The following SUSD4 variants were observed in gnomAD, a reference collection of about 807,000 sequenced individuals.
SUSD4 encodes the protein sushi domain containing 4, also known as sushi domain-containing protein 4.
In SUSD4, 41 loss-of-function variants were observed where a neutral mutation model predicts 50.5. The ratio of observed to expected loss-of-function variants is 0.81; its 90% confidence interval spans 0.63 to 1.05. The LOEUF (loss-of-function observed/expected upper bound fraction) is 1.05, where lower values mean the gene tolerates loss of function less well. Ranked by LOEUF, SUSD4 falls within the 50% of genes least tolerant of loss-of-function variation. SUSD4 has a pLI of 0.00. For synonymous variants in SUSD4, 257 were observed against 257.3 expected (o/e 1.00, Z 0.01); for missense variants, 580 against 634.7 (o/e 0.91, Z 0.93).
At position 223,227,649 on chromosome 1, in the gene SUSD4, GCAGCAGCAC is replaced by G; in HGVS notation, c.997_1005del (p.Val333_Leu335del). 1 of 1,613,942 alleles carries G rather than the reference GCAGCAGCAC, an allele frequency of 6.2e-7. No homozygotes were observed. Among genetic ancestry groups the G allele is most frequent in the Non-Finnish European group, 8.5e-7 (1 of 1,179,954 alleles). On this transcript the variant is annotated inframe_deletion, in exon 7 of 9. Coordinates refer to ENST00000366878, the MANE Select transcript of SUSD4 (RefSeq NM_017982.4). The surrounding 1 kb of genome is among the most constrained non-coding windows in gnomAD (Gnocchi z 4.5). ...TGGAACATCCTGGCCAGGATGACGAGCAGCAGCACCAGCAGCACACTGGTTGCCGTGAAC... is the reference window on the plus strand; with the variant it reads ...TGGAACATCCTGGCCAGGATGACGAGCAGCAGCACACTGGTTGCCGTGAAC...
intron 2 of SUSD4, among the ~76,000 whole-genome samples, chr1:223,327,727 C>T (rs1666956825): frequency 6.6e-6 from 1 of 152,172 alleles, no homozygotes; most frequent in African/African-American, 2.4e-5. Flanking sequence ...CCCGGCATGG[C>T]CCAGGCATAA....
chr1:223,326,115 A>C (rs1666862702), intron 2 of SUSD4, among the ~76,000 whole-genome samples: 1 of 152,268 alleles, frequency 6.6e-6, no homozygotes, highest in African/African-American at 2.4e-5. Flanking sequence ...ACAAGGGTGT[A>C]GTTACCAAAA....
rs565738557 is a variant in SUSD4, at chr1:223,231,261, G to C, written c.725-1873C>G. ...CTGGACAAAGCCAGTGGGGAGCCAG[G>C]TGACAAGGGGGTCTGGGAAACAGGG... On this transcript the variant is annotated intron_variant, in intron 5 of 8. Coordinates refer to ENST00000366878, the MANE Select transcript of SUSD4 (RefSeq NM_017982.4). This position sits in a 1 kb window ranked among gnomAD's most constrained non-coding sequence, Gnocchi z 4.2. Among the ~76,000 whole-genome samples, 7 of 152,284 alleles carry C rather than the reference G, an allele frequency of 4.6e-5. No individual in the cohort carries two copies. In the South Asian group the frequency reaches 1.5e-3, roughly 32 times the overall value.
At chr1:223,276,132 C>A (rs925925545) in intron 3 of SUSD4, among the ~76,000 whole-genome samples, 21 of 152,182 alleles carry the variant, frequency 1.4e-4, no homozygotes, top group African/African-American at 4.8e-4. Context: ...TCATAAGTAG[C>A]CAACATAATT....
intron 5 of SUSD4, chr1:223,235,199 C>G: frequency 2.3e-6 from 3 of 1,321,738 alleles, no homozygotes; most frequent in Non-Finnish European, 2.0e-6. Context: ...AAAATAAAGA[C>G]TTTATTTTTA....
At chr1:223,238,275 T>C (rs1660352556) in intron 5 of SUSD4, among the ~76,000 whole-genome samples, 1 of 152,020 alleles carries the variant, frequency 6.6e-6, no homozygotes, top group Non-Finnish European at 1.5e-5. Flanking sequence ...ATTGATTTTA[T>C]TAATCTTTTC....
At chr1:223,226,518 G>A (rs952449254) in intron 7 of SUSD4, among the ~76,000 whole-genome samples, 1 of 152,242 alleles carries the variant, frequency 6.6e-6, no homozygotes, top group Non-Finnish European at 1.5e-5. Flanking sequence ...GCAAAGGCGG[G>A]TAGGTGCTGT....
intron 2 of SUSD4, among the ~76,000 whole-genome samples, chr1:223,315,201 C>T (rs751161558): frequency 8.5e-5 from 13 of 152,262 alleles, no homozygotes; most frequent in Admixed American, 3.3e-4. Flanking sequence ...TAAATGATAG[C>T]GGGTCTTCCC....
At chr1:223,288,269 G>GCT (rs1388532124) in intron 3 of SUSD4, among the ~76,000 whole-genome samples, 2 of 152,052 alleles carry the variant, frequency 1.3e-5, no homozygotes, top group African/African-American at 4.8e-5. Context: ...TTCCCTGTGT[G>GCT]CTCTCTCTCT....
At chr1:223,299,384 G>A (rs900499675) in intron 2 of SUSD4, among the ~76,000 whole-genome samples, 2 of 152,214 alleles carry the variant, frequency 1.3e-5, no homozygotes, top group South Asian at 2.1e-4. Flanking sequence ...AGTAGTCACA[G>A]CTTGGAGAAG....
intron 3 of SUSD4, among the ~76,000 whole-genome samples, chr1:223,281,718 A>C (rs906983421): frequency 6.6e-6 from 1 of 152,136 alleles, no homozygotes; most frequent in Non-Finnish European, 1.5e-5. Context: ...AAAAGAGGGA[A>C]TCCTCCCTAA....
rs531862173 is a variant in SUSD4, at chr1:223,231,304, G to C, written c.725-1916C>G. 6.6e-6 allele frequency among the ~76,000 whole-genome samples: 1 copy of C among 152,246 alleles called. No homozygotes were observed. The highest frequency in any genetic ancestry group is 3.4e-3 in the Middle Eastern group (1 of 294). Reference sequence around the variant, plus strand: ...AAACAGGGTCTGCGGTGGACAGCCTGTCTAGATCTGGTGCAGTGCAGGGAA... The same window carrying C: ...AAACAGGGTCTGCGGTGGACAGCCTCTCTAGATCTGGTGCAGTGCAGGGAA... On this transcript the variant is annotated intron_variant, in intron 5 of 8. Transcript: ENST00000366878. The surrounding 1 kb of genome is among the most constrained non-coding windows in gnomAD (Gnocchi z 4.2).
At chr1:223,249,791 T>A (rs1159279733) in intron 5 of SUSD4, among the ~76,000 whole-genome samples, 1 of 152,206 alleles carries the variant, frequency 6.6e-6, no homozygotes, top group African/African-American at 2.4e-5. Flanking sequence ...AAAAAATGCA[T>A]GCTATTCTGT....
intron 5 of SUSD4, among the ~76,000 whole-genome samples, chr1:223,230,234 C>T (rs1311892762): frequency 1.3e-5 from 2 of 152,026 alleles, no homozygotes; most frequent in Admixed American, 6.6e-5. Flanking sequence ...AGTGGGAGTT[C>T]GGTGCTTTTT....
intron 5 of SUSD4, among the ~76,000 whole-genome samples, chr1:223,251,104 G>A (rs1661272647): frequency 6.6e-6 from 1 of 152,108 alleles, no homozygotes; most frequent in Non-Finnish European, 1.5e-5. Context: ...AGTAGGGTGG[G>A]CCCTTAATCC....
chr1:223,303,478 C>A (rs1373209754), intron 2 of SUSD4, among the ~76,000 whole-genome samples: 1 of 147,374 alleles, frequency 6.8e-6, no homozygotes, highest in African/African-American at 2.4e-5. Context: ...AGTTTTTGAC[C>A]TGCAAATTGT....
intron 2 of SUSD4, among the ~76,000 whole-genome samples, chr1:223,357,779 T>C (rs1668747757): frequency 6.6e-6 from 1 of 152,220 alleles, no homozygotes; most frequent in Non-Finnish European, 1.5e-5. Context: ...CTTATGAGAA[T>C]GGACCAATAA....
intron 5 of SUSD4, among the ~76,000 whole-genome samples, chr1:223,237,178 G>A (rs1056145011): frequency 2.0e-5 from 3 of 151,982 alleles, no homozygotes; most frequent in African/African-American, 7.2e-5. Context: ...GAATGTGATT[G>A]ATCTTTGTAT....
chr1:223,270,938 C>T (rs2103089596), intron 3 of SUSD4, among the ~76,000 whole-genome samples: 1 of 152,248 alleles, frequency 6.6e-6, no homozygotes, highest in East Asian at 1.9e-4. Context: ...AGAATCAACC[C>T]CAATCCCAGA....
Sources: allele counts gnomAD v4.1 joint callset (sites outside exome capture counted in the v4.1 genomes callset), GRCh38; gene constraint gnomAD v4.1.1; non-coding constraint Gnocchi (gnomAD v3.1); transcripts MANE v1.5; gene names NCBI Gene and HGNC (gene_info 2026-07-23, HGNC 2026-07-21).